Variants in EMCN observed in about 807,000 individuals in gnomAD.
The protein encoded by EMCN is MUC-14.
In EMCN, 37 loss-of-function variants were observed where a neutral mutation model predicts 38.4. That is an observed-to-expected ratio of 0.96 (90% CI 0.74 to 1.27). The LOEUF is 1.27. Among genes scored for constraint, EMCN ranks in the 50% most tolerant of loss-of-function variants. EMCN has a pLI of 0.00. For missense variants in EMCN, 318 were observed against 302.8 expected, an observed-to-expected ratio of 1.05 and a Z score of -0.37; for synonymous variants, 95 against 100.8, an observed-to-expected ratio of 0.94 and a Z score of 0.35.
chr4:100,517,149 T>C (rs1053344312), intron 1 of EMCN, among the ~76,000 whole-genome samples: 1 of 152,138 alleles, frequency 6.6e-6, no homozygotes, highest in African/African-American at 2.4e-5. Context: ...AAATTGTCCA[T>C]TGATATACTC....
rs115790951 is a variant in EMCN at position 100,438,378 on chromosome 4, A to T, written c.415+9155T>A. On this transcript the variant is annotated intron_variant, in intron 5 of 11. Transcript: ENST00000296420. ...GTAATTTTTTATGGTACCATAAATG[A>T]AATTGTTTTTTTCAGTTAGATTGTT... Among the ~76,000 whole-genome samples the T allele has an allele frequency of 7.3e-3, 1,116 of 152,186 alleles. 10 individuals are homozygous for T. Among genetic ancestry groups the T allele is most frequent in the African/African-American group, 0.026 (1,064 of 41,544 alleles).
chr4:100,463,936 T>C (rs1212348732), intron 4 of EMCN, among the ~76,000 whole-genome samples: 1 of 152,162 alleles, frequency 6.6e-6, no homozygotes, highest in African/African-American at 2.4e-5. Context: ...ATCTTATCAA[T>C]TTCTTTAAAA....
At position 100,497,383 on chromosome 4, in the gene EMCN, G is replaced by GT. The variant is rs577195322; in HGVS notation, c.65-17345dup. Among the ~76,000 whole-genome samples the GT allele has an allele frequency of 4.7e-3, 685 of 145,838 alleles. 3 individuals carry two copies. The highest frequency in any genetic ancestry group is 6.3e-3 in the African/African-American group (254 of 40,088). On this transcript the variant is annotated intron_variant, in intron 1 of 11. Coordinates refer to ENST00000296420, the MANE Select transcript of EMCN (RefSeq NM_016242.4). Reference sequence around the variant, plus strand: ...TAATGCAAATCAAGTTTGTTTGTTTGTTTTTTTTTTTGAGACGGAGTCTCG... The same window carrying GT: ...TAATGCAAATCAAGTTTGTTTGTTTGTTTTTTTTTTTTGAGACGGAGTCTCG...
At chr4:100,497,126 C>T (rs752447670) in intron 1 of EMCN, among the ~76,000 whole-genome samples, 2 of 151,274 alleles carry the variant, frequency 1.3e-5, no homozygotes, top group Non-Finnish European at 2.9e-5. Context: ...TGATTAAAAA[C>T]CGCTTTATGT....
At chr4:100,473,838 A>G (rs1029404147) in intron 3 of EMCN, 2 of 146,860 alleles carry the variant, frequency 1.4e-5, no homozygotes, top group African/African-American at 4.9e-5. Flanking sequence ...CTCGTTTTGA[A>G]GTGTCATCTT....
rs182767675 is a variant in EMCN, at chr4:100,471,507, A to G, written c.259+3531T>C. Among the ~76,000 whole-genome samples, 38 of 152,100 alleles carry G rather than the reference A, an allele frequency of 2.5e-4. 1 individual carries two copies. The East Asian group carries it at 7.3e-3, about 29-fold the overall frequency. ...GGTCTTCCCTGGAAAATTCTACCAA[A>G]TATTTAAAGAGCAATTACCACCAAT... On this transcript the variant is annotated intron_variant, in intron 3 of 11. Transcript: ENST00000296420.
rs757564123 is a variant in EMCN, at chr4:100,395,926, A to G, written c.*2487T>C. 6.6e-6 allele frequency: 1 copy of G among 152,194 alleles called. No homozygotes were observed. The allele number at this position is 152,194 out of a possible 1,614,324, so 9.4% of individuals were successfully genotyped here. A position where few individuals can be genotyped will look rare whatever the true frequency, so the allele number is the denominator to read the frequency against. ...GATAGACTTAAATTATATTCATATTATTATGCAAAACAAACACATAGAAAG... is the reference window on the plus strand; with the variant it reads ...GATAGACTTAAATTATATTCATATTGTTATGCAAAACAAACACATAGAAAG... On this transcript the variant is annotated 3_prime_UTR_variant, in exon 12 of 12. Transcript: ENST00000296420.
intron 4 of EMCN, among the ~76,000 whole-genome samples, chr4:100,449,065 C>A (rs1297053863): frequency 2.0e-5 from 3 of 151,950 alleles, no homozygotes; most frequent in Non-Finnish European, 4.4e-5. Flanking sequence ...TCCATGGGGG[C>A]AGATTTCTTA....
In EMCN at chr4:100,423,358, T is replaced by A; in HGVS notation, c.462A>T (p.Leu154Phe). The change falls in exon 6 of 12, where the codon TTA becomes TTT. Residue 154 changes from leucine to phenylalanine, a missense_variant. Physicochemically the swap from Leu to Phe is conservative, Grantham distance 22. Transcript: ENST00000296420. ...PDASPSKTGT[L>F]TSIPVTIPEN... ...CTGGAATTGTAACTGGTATTGAGGT[T>A]AATGTACCAGTTTTAGAAGGTGATG... 1 of 1,613,154 alleles carries A rather than the reference T, an allele frequency of 6.2e-7. No homozygotes were observed. The highest frequency in any genetic ancestry group is 8.5e-7 in the Non-Finnish European group (1 of 1,179,434).
chr4:100,449,609 C>A (rs967382796), intron 4 of EMCN, among the ~76,000 whole-genome samples: 1 of 152,052 alleles, frequency 6.6e-6, no homozygotes, highest in African/African-American at 2.4e-5. Flanking sequence ...CCTTGTTCCT[C>A]TTATTATCAG....
intron 1 of EMCN, among the ~76,000 whole-genome samples, chr4:100,512,540 C>T (rs1046798075): frequency 6.6e-6 from 1 of 152,004 alleles, no homozygotes; most frequent in African/African-American, 2.4e-5. Flanking sequence ...CATGGTGGCT[C>T]ATGCCTGTAA....
chr4:100,404,969 T>C (rs749529923), intron 11 of EMCN, among the ~76,000 whole-genome samples: 4 of 152,244 alleles, frequency 2.6e-5, no homozygotes, highest in Non-Finnish European at 5.9e-5. Context: ...TTATTCTTTT[T>C]GTGGCTCCTG....
At position 100,433,426 on chromosome 4, in the gene EMCN, T is replaced by C. The variant is rs1249431590; in HGVS notation, c.416-10022A>G. Among the ~76,000 whole-genome samples the C allele has an allele frequency of 2.6e-5, 4 of 152,320 alleles. No homozygotes were observed. In the East Asian group the frequency reaches 7.7e-4, roughly 29 times the overall value. Reference sequence around the variant, plus strand: ...AAATGGGAGTCCACATATCCTTATGTGGTGGTAATTTCATATCCTCTGGGT... The same window carrying C: ...AAATGGGAGTCCACATATCCTTATGCGGTGGTAATTTCATATCCTCTGGGT... On this transcript the variant is annotated intron_variant, in intron 5 of 11. Transcript: ENST00000296420.
intron 4 of EMCN, among the ~76,000 whole-genome samples, chr4:100,455,501 G>A (rs1727985061): frequency 7.6e-6 from 1 of 131,656 alleles, no homozygotes; most frequent in Non-Finnish European, 1.6e-5. Flanking sequence ...AGAATTCTAG[G>A]GTGAAAAGTT....
At chr4:100,504,536 C>T (rs878866188) in intron 1 of EMCN, among the ~76,000 whole-genome samples, 2 of 152,104 alleles carry the variant, frequency 1.3e-5, no homozygotes, top group Non-Finnish European at 2.9e-5. Context: ...TAATAATCCT[C>T]GCTCTATAAT....
chr4:100,472,186 G>C (rs1261858419), intron 3 of EMCN, among the ~76,000 whole-genome samples: 2 of 151,826 alleles, frequency 1.3e-5, no homozygotes, highest in Non-Finnish European at 2.9e-5. Context: ...ACATAATCTT[G>C]AACATAGAAA....
intron 10 of EMCN, among the ~76,000 whole-genome samples, chr4:100,413,353 A>G (rs1342956050): frequency 6.6e-6 from 1 of 152,134 alleles, no homozygotes; most frequent in Non-Finnish European, 1.5e-5. Flanking sequence ...CTGACATCAA[A>G]CCTAACCATT....
intron 1 of EMCN, among the ~76,000 whole-genome samples, chr4:100,496,779 G>C (rs1253564334): frequency 2.6e-5 from 4 of 152,116 alleles, no homozygotes; most frequent in Non-Finnish European, 5.9e-5. Flanking sequence ...TTAGAGATTT[G>C]AGTCAATGTT....
Position 100,480,011 on chromosome 4 carries a change from A to T in EMCN, c.93T>A (p.Leu31=), listed in dbSNP as rs779025327. 6.4e-7 allele frequency: 1 copy of T among 1,569,302 alleles called. No homozygotes were observed. The highest frequency in any genetic ancestry group is 8.6e-7 in the Non-Finnish European group (1 of 1,158,708). Residue 31 remains leucine, a synonymous_variant, in exon 2 of 12, where the codon CTT becomes CTA. Transcript: ENST00000296420. ...TGVLEAANNS[L]VVTTTKPSIT... ...TAGATGGTTTTGTTGTAGTAACAAC[A>T]AGTGAATTATTAGCTGCCTCTAAAA...
Sources: gnomAD v4.1 joint callset for allele counts (sites outside exome capture counted in the v4.1 genomes callset) on GRCh38, gnomAD v4.1.1 for gene constraint, MANE v1.5 for transcripts, NCBI Gene and HGNC (gene_info 2026-07-23, HGNC 2026-07-21) for gene names.